Variants in CDC42SE2 observed in about 807,000 individuals in gnomAD.
CDC42SE2 encodes the protein CDC42 small effector protein 2.
CDC42SE2 carries 3 observed loss-of-function variants against 11.5 expected under a neutral mutation model. The ratio of observed to expected loss-of-function variants is 0.26; its 90% CI spans 0.12 to 0.67. CDC42SE2 has a LOEUF of 0.67. Ranked by LOEUF, CDC42SE2 falls within the 30% of genes least tolerant of loss-of-function variation. The pLI is 0.80. For missense variants in CDC42SE2, 82 were observed against 106.8 expected (o/e 0.77, Z 1.02); for synonymous variants, 33 against 34.8 (o/e 0.95, Z 0.18).
chr5:131,260,708 C>T (rs572526646), upstream of CDC42SE2, among the ~76,000 whole-genome samples: 3 of 151,374 alleles, frequency 2.0e-5, no homozygotes, highest in African/African-American at 7.3e-5. Flanking sequence ...CCGAGGCAGG[C>T]GGATCCCCTG....
intron 2 of CDC42SE2, among the ~76,000 whole-genome samples, chr5:131,344,723 G>A (rs994214653): frequency 4.6e-5 from 7 of 152,216 alleles, no homozygotes; most frequent in African/African-American, 9.6e-5. Flanking sequence ...CCTGACCCCC[G>A]AGTAGCCTAA....
chr5:131,282,409 G>T (rs1580729633), intron 1 of CDC42SE2, among the ~76,000 whole-genome samples: 1 of 152,284 alleles, frequency 6.6e-6, no homozygotes, highest in East Asian at 1.9e-4. Context: ...TGCTTGTTCA[G>T]ACCTGAGTAC....
In CDC42SE2 at chr5:131,366,090, A is replaced by G. The variant is rs74695894; in HGVS notation, c.54+6543A>G. Among the ~76,000 whole-genome samples, 1,223 of 152,332 alleles carry G rather than the reference A, an allele frequency of 8.0e-3. 43 individuals carry two copies. The East Asian group carries it at 0.13, about 16-fold the overall frequency. ...ATGTTTTAACTGTACTACTAAACCT[A>G]GAAATTCTAAAGACTAGTATACTGG... On this transcript the variant is annotated intron_variant, in intron 3 of 4. Transcript: ENST00000505065.
At chr5:131,350,341 C>CA (rs148702602) in intron 2 of CDC42SE2, among the ~76,000 whole-genome samples, 49 of 147,414 alleles carry the variant, frequency 3.3e-4, no homozygotes, top group African/African-American at 9.7e-4. Flanking sequence ...TATAAAAATA[C>CA]AAAAAAAAAG....
At chr5:131,383,717 A>C (rs79472293) in intron 3 of CDC42SE2, among the ~76,000 whole-genome samples, 1 of 152,132 alleles carries the variant, frequency 6.6e-6, no homozygotes, top group South Asian at 2.1e-4. Flanking sequence ...TTTGTAAATA[A>C]ATTTTTACCA....
intron 3 of CDC42SE2, among the ~76,000 whole-genome samples, chr5:131,384,156 A>G (rs1750404935): frequency 6.6e-6 from 1 of 152,256 alleles, no homozygotes; most frequent in Non-Finnish European, 1.5e-5. Flanking sequence ...GCTGAATTCT[A>G]AGGATGAATA....
chr5:131,390,461 G>T (rs144025059), intron 4 of CDC42SE2, among the ~76,000 whole-genome samples: 1 of 152,126 alleles, frequency 6.6e-6, no homozygotes, highest in Non-Finnish European at 1.5e-5. Flanking sequence ...GAAGCAGTCG[G>T]ATCACTTGAG....
intron 2 of CDC42SE2, among the ~76,000 whole-genome samples, chr5:131,344,718 C>A (rs532427786): frequency 6.6e-6 from 1 of 152,210 alleles, no homozygotes; most frequent in Non-Finnish European, 1.5e-5. Context: ...GGGTCCCTGA[C>A]CCCCGAGTAG....
chr5:131,377,667 A>G (rs1750196384), intron 3 of CDC42SE2, among the ~76,000 whole-genome samples: 1 of 152,228 alleles, frequency 6.6e-6, no homozygotes, highest in Admixed American at 6.5e-5. Flanking sequence ...ATTCTGATGT[A>G]CACTGTAGCT....
chr5:131,390,948 T>C (rs764320876), intron 4 of CDC42SE2, 45 bp from the exon 5 acceptor site: 9 of 1,347,588 alleles, frequency 6.7e-6, no homozygotes, highest in Non-Finnish European at 9.5e-6. Context: ...CCGGACCTAC[T>C]TCCTGACTTC....
the CDC42SE2 span, among the ~76,000 whole-genome samples, chr5:131,226,799 G>A: frequency 5.9e-5 from 9 of 152,290 alleles, no homozygotes; most frequent in South Asian, 1.2e-3. Flanking sequence ...GCAGCTACCA[G>A]TACCCCTGCA....
At chr5:131,326,029 C>T (rs775976571) in intron 2 of CDC42SE2, among the ~76,000 whole-genome samples, 3 of 151,994 alleles carry the variant, frequency 2.0e-5, no homozygotes, top group African/African-American at 4.8e-5. Context: ...TTACTGTTAA[C>T]GTCTGAGTAT....
At chr5:131,383,387 G>A (rs559771833) in intron 3 of CDC42SE2, among the ~76,000 whole-genome samples, 14 of 152,246 alleles carry the variant, frequency 9.2e-5, no homozygotes, top group Admixed American at 9.2e-4. Context: ...GGCCCCAAAA[G>A]ACAGACAGTT....
At chr5:131,365,238 C>T (rs1412974788) in intron 3 of CDC42SE2, among the ~76,000 whole-genome samples, 1 of 151,672 alleles carries the variant, frequency 6.6e-6, no homozygotes, top group Non-Finnish European at 1.5e-5. Context: ...TGCAGTGAGC[C>T]GAGATCGTGC....
chr5:131,288,931 A>T (rs2149707712), intron 1 of CDC42SE2, among the ~76,000 whole-genome samples: 1 of 152,256 alleles, frequency 6.6e-6, no homozygotes, highest in East Asian at 1.9e-4. Flanking sequence ...TTTCAAATTG[A>T]TTACTTTTCT....
chr5:131,236,566 T>A, the CDC42SE2 span, among the ~76,000 whole-genome samples: 1 of 152,240 alleles, frequency 6.6e-6, no homozygotes, highest in East Asian at 1.9e-4. Flanking sequence ...TAGCTGGGAC[T>A]ACAGGAGTGC....
chr5:131,225,335 T>C, the CDC42SE2 span, among the ~76,000 whole-genome samples: 1 of 152,328 alleles, frequency 6.6e-6, no homozygotes, highest in East Asian at 1.9e-4. Context: ...ATTTTATGCG[T>C]ACCTACAAGC....
chr5:131,371,146 T>G (rs1041682871), intron 3 of CDC42SE2, among the ~76,000 whole-genome samples: 1 of 152,208 alleles, frequency 6.6e-6, no homozygotes, highest in African/African-American at 2.4e-5. Context: ...CTGGTATTTA[T>G]GATGTTTATA....
intron 2 of CDC42SE2, among the ~76,000 whole-genome samples, chr5:131,349,081 C>G (rs1758931944): frequency 6.6e-6 from 1 of 152,054 alleles, no homozygotes; most frequent in Non-Finnish European, 1.5e-5. Flanking sequence ...TAGGCATGGG[C>G]AAGGACTTCA....
Sources: gnomAD v4.1 joint callset for allele counts (sites outside exome capture counted in the v4.1 genomes callset) on GRCh38, gnomAD v4.1.1 for gene constraint, MANE v1.5 for transcripts, NCBI Gene and HGNC (gene_info 2026-07-23, HGNC 2026-07-21) for gene names.